TRAPPC9: variants seen among roughly 807,000 people sequenced by gnomAD.
TRAPPC9 encodes trafficking protein particle complex subunit 9, also known as IKK2 binding protein.
A neutral mutation model predicts 124.0 loss-of-function variants in TRAPPC9; 83 were observed. The observed-to-expected ratio is 0.67, with a 90% CI of 0.56 to 0.80. The LOEUF (loss-of-function observed/expected upper bound fraction) is 0.80, where lower values mean the gene tolerates loss of function less well. TRAPPC9 is among the 30% of genes least tolerant of loss of function. The pLI is 0.00. For missense variants in TRAPPC9, 1,302 were observed against 1,508.3 expected (o/e 0.86, Z 2.27); for synonymous variants, 638 against 617.5 (o/e 1.03, Z -0.49).
At chr8:139,877,538 G>T (rs773765181) in intron 21 of TRAPPC9, among the ~76,000 whole-genome samples, 2 of 152,142 alleles carry the variant, frequency 1.3e-5, no homozygotes, top group Non-Finnish European at 2.9e-5. Flanking sequence ...CCTGCTCCTG[G>T]CCCAGCCCTG....
chr8:140,396,538 C>G (rs538807340), intron 7 of TRAPPC9, among the ~76,000 whole-genome samples: 23 of 151,620 alleles, frequency 1.5e-4, no homozygotes, highest in Non-Finnish European at 3.4e-4. Context: ...CTCCCTACCC[C>G]TCTCTTCCTC....
At position 140,002,226 on chromosome 8, in the gene TRAPPC9, TA is replaced by T. The variant is rs532269818; in HGVS notation, c.2700-13391del. Among the ~76,000 whole-genome samples the T allele has an allele frequency of 5.6e-3, 831 of 148,144 alleles. 3 individuals are homozygous for T. Among genetic ancestry groups the T allele is most frequent in the South Asian group, 0.014 (67 of 4,676 alleles). ...CAAAACTCAAATTTCATTCATGATTTAAAAAAAAAAGCACTCACCCATCAAT... is the reference window on the plus strand; with the variant it reads ...CAAAACTCAAATTTCATTCATGATTTAAAAAAAAAGCACTCACCCATCAAT... On this transcript the variant is annotated intron_variant, in intron 18 of 22. Coordinates refer to ENST00000438773, the MANE Select transcript of TRAPPC9 (RefSeq NM_001160372.4).
At chr8:139,773,489 G>T (rs7820434) in intron 21 of TRAPPC9, among the ~76,000 whole-genome samples, 12,748 of 152,240 alleles carry the variant, frequency 0.084, 546 homozygotes, top group Middle Eastern at 0.1. Flanking sequence ...AGGCGATGAT[G>T]GGGTGAGTCC....
intron 19 of TRAPPC9, among the ~76,000 whole-genome samples, chr8:139,980,273 T>C (rs1236703740): frequency 6.6e-6 from 1 of 152,170 alleles, no homozygotes; most frequent in Non-Finnish European, 1.5e-5. Flanking sequence ...CCATAGCGAA[T>C]CTTCTCTGTT....
chr8:139,756,610 G>A (rs868208303), intron 21 of TRAPPC9, among the ~76,000 whole-genome samples: 4 of 137,820 alleles, frequency 2.9e-5, no homozygotes, highest in East Asian at 2.3e-4. Flanking sequence ...ACAGCGTGTC[G>A]CAGGAGAAGC....
intron 17 of TRAPPC9, among the ~76,000 whole-genome samples, chr8:140,057,393 T>G (rs1480455914): frequency 6.6e-6 from 1 of 152,254 alleles, no homozygotes; most frequent in Non-Finnish European, 1.5e-5. Flanking sequence ...ACTTCCACAT[T>G]TACTGCAGTA....
chr8:140,152,003 G>A (rs544471069), intron 17 of TRAPPC9, among the ~76,000 whole-genome samples: 3 of 152,212 alleles, frequency 2.0e-5, no homozygotes, highest in African/African-American at 7.2e-5. Context: ...CACGCACTGG[G>A]GAGCCGGAAT....
In TRAPPC9 at chr8:139,921,909, G is replaced by A. The variant is rs192262632; in HGVS notation, c.2811-11609C>T. Among the ~76,000 whole-genome samples, 388 of 149,092 alleles carry A rather than the reference G, an allele frequency of 2.6e-3. 1 individual carries two copies. The highest frequency in any genetic ancestry group is 4.5e-3 in the South Asian group (21 of 4,666). On this transcript the variant is annotated intron_variant, in intron 19 of 22. Coordinates refer to ENST00000438773, the MANE Select transcript of TRAPPC9 (RefSeq NM_001160372.4). ...GCCCCCCACTGCCACATCTGGGAGCGTACACAGCTCAACCCCCGCCCCCAA... is the reference window on the plus strand; with the variant it reads ...GCCCCCCACTGCCACATCTGGGAGCATACACAGCTCAACCCCCGCCCCCAA...
At chr8:139,971,857 G>A (rs939023166) in intron 19 of TRAPPC9, among the ~76,000 whole-genome samples, 14 of 144,968 alleles carry the variant, frequency 9.7e-5, no homozygotes, top group African/African-American at 2.8e-4. Flanking sequence ...ACAGAGTCTC[G>A]CTCGCTCTGT....
At chr8:140,124,774 T>G (rs1490329168) in intron 17 of TRAPPC9, among the ~76,000 whole-genome samples, 1 of 151,928 alleles carries the variant, frequency 6.6e-6, no homozygotes, top group Non-Finnish European at 1.5e-5. Flanking sequence ...GGGGGTATAA[T>G]CTCCCACAGG....
intron 21 of TRAPPC9, among the ~76,000 whole-genome samples, chr8:139,750,697 G>A (rs1453824018): frequency 2.6e-5 from 4 of 152,182 alleles, no homozygotes; most frequent in Non-Finnish European, 5.9e-5. Context: ...TTTCCAGCAC[G>A]GAGGGGGCAG....
chr8:140,057,382 C>T (rs1020871218), intron 17 of TRAPPC9, among the ~76,000 whole-genome samples: 7 of 152,232 alleles, frequency 4.6e-5, no homozygotes, highest in African/African-American at 1.7e-4. Context: ...GAGATATGTA[C>T]ACTTCCACAT....
At chr8:139,973,357 G>T (rs1836226127) in intron 19 of TRAPPC9, among the ~76,000 whole-genome samples, 1 of 152,172 alleles carries the variant, frequency 6.6e-6, no homozygotes, top group South Asian at 2.1e-4. Flanking sequence ...CAAGATCTGT[G>T]ATCACTGTCT....
Position 140,422,519 on chromosome 8 carries a change from C to T in TRAPPC9, c.886+4096G>A, listed in dbSNP as rs1383933404. On this transcript the variant is annotated intron_variant, in intron 5 of 22. Coordinates refer to ENST00000438773, the MANE Select transcript of TRAPPC9 (RefSeq NM_001160372.4). ...CTGTAATCCCAACACTTTGGGAGGC[C>T]GAGGTGGGCGGATCACCTGAGGTCA... Among the ~76,000 whole-genome samples the T allele has an allele frequency of 2.6e-5, 4 of 151,870 alleles. No individual in the cohort carries two copies. In the South Asian group the frequency reaches 6.2e-4, roughly 24 times the overall value.
At chr8:139,948,530 C>T (rs940227221) in intron 19 of TRAPPC9, among the ~76,000 whole-genome samples, 3 of 152,204 alleles carry the variant, frequency 2.0e-5, no homozygotes, top group Non-Finnish European at 4.4e-5. Context: ...CCACAAATTA[C>T]CAGGCTGGCC....
chr8:139,922,606 T>C (rs1832581819), intron 19 of TRAPPC9, among the ~76,000 whole-genome samples: 1 of 152,182 alleles, frequency 6.6e-6, no homozygotes, highest in Admixed American at 6.5e-5. Flanking sequence ...CAGACAGGCA[T>C]GGCTGGCAGT....
intron 17 of TRAPPC9, among the ~76,000 whole-genome samples, chr8:140,046,522 GC>G (rs1841607695): frequency 6.6e-6 from 1 of 152,226 alleles, no homozygotes; most frequent in Non-Finnish European, 1.5e-5. Context: ...TCCAAAAGGA[GC>G]CCCTGCTGTC....
chr8:140,122,789 G>A (rs1332836540), intron 17 of TRAPPC9, among the ~76,000 whole-genome samples: 1 of 152,194 alleles, frequency 6.6e-6, no homozygotes, highest in Non-Finnish European at 1.5e-5. Flanking sequence ...ATGGGAGGCA[G>A]GTGACTCAGC....
At chr8:140,072,552 G>A (rs1395610254) in intron 17 of TRAPPC9, among the ~76,000 whole-genome samples, 1 of 82,240 alleles carries the variant, frequency 1.2e-5, no homozygotes, top group African/African-American at 4.6e-5. Context: ...AGGAGGAAGA[G>A]GAGGAGGAGG....
Sources: gnomAD v4.1 joint callset for allele counts (sites outside exome capture counted in the v4.1 genomes callset) on GRCh38, gnomAD v4.1.1 for gene constraint, MANE v1.5 for transcripts, NCBI Gene and HGNC (gene_info 2026-07-23, HGNC 2026-07-21) for gene names.